CDH4: variants seen among roughly 807,000 people sequenced by gnomAD.
CDH4 encodes cadherin 4, also known as cadherin-4.
Under a neutral mutation model 86.0 loss-of-function variants are expected in CDH4, and 33 were observed. That is an observed-to-expected ratio of 0.38 (90% CI 0.29 to 0.51). The LOEUF is 0.51. CDH4 is among the 20% of genes least tolerant of loss of function. The probability of loss-of-function intolerance (pLI) is 0.86; values close to 1 mark genes in which losing one functional copy is unlikely to be tolerated. For missense variants in CDH4, 1,114 were observed against 1,307.4 expected (o/e 0.85, Z 2.28); for synonymous variants, 555 against 549.4 (o/e 1.01, Z -0.14).
At chr20:61,264,415 A>G (rs1000771446) in intron 2 of CDH4, among the ~76,000 whole-genome samples, 114 of 150,944 alleles carry the variant, frequency 7.6e-4, no homozygotes, top group Middle Eastern at 7.1e-3. Context: ...TCCTTCATTC[A>G]GTCCTACACA....
chr20:61,300,335 A>T (rs545112308), intron 2 of CDH4, among the ~76,000 whole-genome samples: 2 of 152,076 alleles, frequency 1.3e-5, no homozygotes, highest in African/African-American at 4.8e-5. Flanking sequence ...GTTCTGGGAG[A>T]GGGAACAGTG....
chr20:61,765,869 C>T (rs953699695), intron 3 of CDH4, among the ~76,000 whole-genome samples: 13 of 152,060 alleles, frequency 8.5e-5, no homozygotes, highest in African/African-American at 3.1e-4. Flanking sequence ...CCAGCAGCCC[C>T]GGGAAAGTCA....
intron 7 of CDH4, among the ~76,000 whole-genome samples, chr20:61,885,443 C>T (rs546452677): frequency 2.8e-4 from 42 of 152,302 alleles, no homozygotes; most frequent in South Asian, 2.1e-3. Context: ...CGAGCGTCAC[C>T]GTGGTAGTTC....
chr20:61,287,489 A>G (rs927158544), intron 2 of CDH4, among the ~76,000 whole-genome samples: 1 of 152,096 alleles, frequency 6.6e-6, no homozygotes, highest in Non-Finnish European at 1.5e-5. Context: ...AGAAGAAAAA[A>G]GAGTGCTTAT....
rs566537949 is a variant in CDH4, at chr20:61,811,832, C to T, written c.577-32836C>T. Among the ~76,000 whole-genome samples the T allele has an allele frequency of 5.3e-4, 81 of 152,124 alleles. No homozygotes were observed. Among genetic ancestry groups the T allele is most frequent in the African/African-American group, 1.5e-3 (62 of 41,504 alleles). On this transcript the variant is annotated intron_variant, in intron 4 of 15. Transcript: ENST00000614565. The surrounding 1 kb of genome is among the most constrained non-coding windows in gnomAD (Gnocchi z 4.4). Reference sequence around the variant, plus strand: ...TACTACAGGCACACGTCACCATGCCCGGTTAATTTTTGTATTTTTAGTAGA... The same window carrying T: ...TACTACAGGCACACGTCACCATGCCTGGTTAATTTTTGTATTTTTAGTAGA...
chr20:61,885,241 A>G (rs1984487214), intron 7 of CDH4, among the ~76,000 whole-genome samples: 1 of 151,954 alleles, frequency 6.6e-6, no homozygotes, highest in South Asian at 2.1e-4. Flanking sequence ...TGCAACCATC[A>G]CCTTGACTTA....
At chr20:61,358,845 T>C (rs187603896) in intron 2 of CDH4, among the ~76,000 whole-genome samples, 3 of 152,266 alleles carry the variant, frequency 2.0e-5, no homozygotes, top group Admixed American at 6.5e-5. Flanking sequence ...CGGAAACCGT[T>C]CCCTCTACAG....
chr20:61,546,206 G>A (rs1029013040), intron 2 of CDH4, among the ~76,000 whole-genome samples: 6 of 104,192 alleles, frequency 5.8e-5, no homozygotes, highest in East Asian at 3.1e-4. Flanking sequence ...ATTCACATTC[G>A]TGCGTGTGTG....
intron 3 of CDH4, among the ~76,000 whole-genome samples, chr20:61,770,814 C>T (rs952807779): frequency 1.4e-5 from 2 of 145,990 alleles, no homozygotes; most frequent in African/African-American, 2.5e-5. Flanking sequence ...GCCCGGGAGG[C>T]GGTGCTTGCA....
At chr20:61,675,860 G>T (rs555673318) in intron 2 of CDH4, among the ~76,000 whole-genome samples, 19 of 152,210 alleles carry the variant, frequency 1.2e-4, no homozygotes, top group African/African-American at 4.6e-4. Flanking sequence ...AAGCACTCCC[G>T]TGCTTTCAGA....
chr20:61,261,477 G>T (rs2084127324), intron 2 of CDH4, among the ~76,000 whole-genome samples: 1 of 152,214 alleles, frequency 6.6e-6, no homozygotes, highest in Non-Finnish European at 1.5e-5. Flanking sequence ...GTTCTGTCCA[G>T]TCCTTGGTAT....
At chr20:61,476,450 C>T (rs1219409290) in intron 2 of CDH4, among the ~76,000 whole-genome samples, 1 of 152,210 alleles carries the variant, frequency 6.6e-6, no homozygotes, top group African/African-American at 2.4e-5. Flanking sequence ...GTAGACACAA[C>T]ACATAACACA....
At chr20:61,762,457 A>G (rs1656124128) in intron 3 of CDH4, among the ~76,000 whole-genome samples, 1 of 152,206 alleles carries the variant, frequency 6.6e-6, no homozygotes, top group Non-Finnish European at 1.5e-5. Flanking sequence ...TTATCTTCAC[A>G]GAAAAGGAGG....
At position 61,898,016 on chromosome 20, in the gene CDH4, G is replaced by A. The variant is rs78494179; in HGVS notation, c.1188+2969G>A. ...GCAGGGAGGGTTCCCTCCACCCTGCGGTGGCTTTTCCAGGTGACTGGGTCG... is the reference window on the plus strand; with the variant it reads ...GCAGGGAGGGTTCCCTCCACCCTGCAGTGGCTTTTCCAGGTGACTGGGTCG... On this transcript the variant is annotated intron_variant, in intron 8 of 15. Coordinates refer to ENST00000614565, the MANE Select transcript of CDH4 (RefSeq NM_001794.5). 7.2e-3 allele frequency among the ~76,000 whole-genome samples: 1,094 copies of A among 152,312 alleles called. 6 individuals are homozygous for A. Among genetic ancestry groups the A allele is most frequent in the South Asian group, 0.018 (87 of 4,818 alleles).
At chr20:61,466,396 A>G (rs567355796) in intron 2 of CDH4, among the ~76,000 whole-genome samples, 1 of 152,338 alleles carries the variant, frequency 6.6e-6, no homozygotes, top group South Asian at 2.1e-4. Context: ...CCATTGTAAT[A>G]AGATCGTGCA....
At chr20:61,697,647 AGCTCCCTGT>A (rs1373843558) in intron 2 of CDH4, among the ~76,000 whole-genome samples, 17 of 152,112 alleles carry the variant, frequency 1.1e-4, no homozygotes, top group Admixed American at 6.5e-5. Context: ...CTCTCATCAC[AGCTCCCTGT>A]GTTCCAGAAC....
intron 2 of CDH4, among the ~76,000 whole-genome samples, chr20:61,321,709 T>C (rs1482889673): frequency 1.3e-5 from 2 of 152,124 alleles, no homozygotes; most frequent in Non-Finnish European, 2.9e-5. Flanking sequence ...GAATTGGTGC[T>C]TCTCAGCACA....
chr20:61,443,920 C>G (rs1022425686), intron 2 of CDH4, among the ~76,000 whole-genome samples: 3 of 148,254 alleles, frequency 2.0e-5, no homozygotes, highest in Admixed American at 6.7e-5. Flanking sequence ...GTCTGTATCT[C>G]TGTGTGTGTG....
intron 2 of CDH4, among the ~76,000 whole-genome samples, chr20:61,742,759 C>A (rs912150306): frequency 1.3e-5 from 2 of 152,142 alleles, no homozygotes; most frequent in Admixed American, 1.3e-4. Flanking sequence ...CTGGAGGTGT[C>A]TTTTTCTGCA....
Sources: allele counts gnomAD v4.1 joint callset (sites outside exome capture counted in the v4.1 genomes callset), GRCh38; gene constraint gnomAD v4.1.1; non-coding constraint Gnocchi (gnomAD v3.1); transcripts MANE v1.5; gene names NCBI Gene and HGNC (gene_info 2026-07-23, HGNC 2026-07-21).